The following RNF130 variants were observed in gnomAD, a reference collection of about 807,000 sequenced individuals.
RNF130 encodes the protein ring finger protein 130.
A neutral mutation model predicts 44.6 loss-of-function variants in RNF130; 21 were observed. That is an observed-to-expected ratio of 0.47 (90% CI 0.33 to 0.68). RNF130 has a LOEUF of 0.68. RNF130 is among the 30% of genes least tolerant of loss of function. The probability of loss-of-function intolerance (pLI) is 0.02; values close to 1 mark genes in which losing one functional copy is unlikely to be tolerated. For missense variants in RNF130, 479 were observed against 560.6 expected, an observed-to-expected ratio of 0.85 and a Z score of 1.47; for synonymous variants, 214 against 210.4, an observed-to-expected ratio of 1.02 and a Z score of -0.15.
chr5:179,925,493 T>G (rs1582122847), intron 7 of RNF130, among the ~76,000 whole-genome samples: 1 of 151,768 alleles, frequency 6.6e-6, no homozygotes, highest in African/African-American at 2.4e-5. Context: ...CATGGCTGGG[T>G]TTCTTCTGTT....
intron 1 of RNF130, among the ~76,000 whole-genome samples, chr5:180,070,512 T>G (rs775221725): frequency 2.6e-5 from 4 of 152,224 alleles, no homozygotes; most frequent in Non-Finnish European, 5.9e-5. Context: ...ATGACTTTAT[T>G]TAGGTTGCCT....
chr5:180,049,213 C>A (rs1474356938), intron 1 of RNF130, among the ~76,000 whole-genome samples: 1 of 152,162 alleles, frequency 6.6e-6, no homozygotes, highest in Non-Finnish European at 1.5e-5. Context: ...CACAGGGAGA[C>A]AGCTAAGGTA....
At chr5:179,996,646 A>C (rs1453301155) in intron 3 of RNF130, among the ~76,000 whole-genome samples, 1 of 152,230 alleles carries the variant, frequency 6.6e-6, no homozygotes, top group East Asian at 1.9e-4. Context: ...CCATTCTTGC[A>C]TCCCTGGGAT....
chr5:179,959,471 C>CA (rs1025374228), intron 8 of RNF130, among the ~76,000 whole-genome samples: 2 of 151,762 alleles, frequency 1.3e-5, no homozygotes, highest in Admixed American at 6.6e-5. Context: ...ACTAAAAATA[C>CA]AAAAAAATTA....
intron 3 of RNF130, among the ~76,000 whole-genome samples, chr5:179,997,402 C>T (rs1000268931): frequency 6.6e-6 from 1 of 152,240 alleles, no homozygotes; most frequent in Non-Finnish European, 1.5e-5. Flanking sequence ...CGGCTCACTG[C>T]AACCTCCGCC....
intron 3 of RNF130, among the ~76,000 whole-genome samples, chr5:179,996,760 T>C (rs987547301): frequency 1.3e-5 from 2 of 152,360 alleles, no homozygotes; most frequent in Admixed American, 1.3e-4. Flanking sequence ...CAAGGATACT[T>C]GTCTATATTT....
intron 3 of RNF130, among the ~76,000 whole-genome samples, chr5:180,000,246 T>A (rs78654932): frequency 0.099 from 15,031 of 152,246 alleles, 1,548 homozygotes; most frequent in African/African-American, 0.27. Flanking sequence ...TCTCCTAGGC[T>A]GTAAGATTTC....
At chr5:180,071,341 C>G (rs890972822) in intron 1 of RNF130, 115 bp downstream of exon 1, 1 of 1,040,886 alleles carries the variant, frequency 9.6e-7, no homozygotes, top group African/African-American at 1.6e-5. Context: ...CTGGCTGGGG[C>G]TGTCGGCCGG....
intron 1 of RNF130, among the ~76,000 whole-genome samples, chr5:180,064,628 T>C (rs1410288498): frequency 6.6e-6 from 1 of 152,226 alleles, no homozygotes; most frequent in African/African-American, 2.4e-5. Flanking sequence ...TTCATTTTCC[T>C]CTGTTTTTAA....
intron 7 of RNF130, among the ~76,000 whole-genome samples, chr5:179,927,627 C>T (rs574620664): frequency 2.1e-5 from 3 of 141,228 alleles, no homozygotes; most frequent in South Asian, 2.2e-4. Flanking sequence ...CTCACTCTGT[C>T]GCCCAGGCTG....
chr5:179,986,935 T>C (rs1463853247), intron 3 of RNF130, among the ~76,000 whole-genome samples: 1 of 152,236 alleles, frequency 6.6e-6, no homozygotes, highest in Non-Finnish European at 1.5e-5. Flanking sequence ...GACTGCTTTC[T>C]TGATTTCCTT....
chr5:179,991,928 T>C (rs1214206434), intron 3 of RNF130, among the ~76,000 whole-genome samples: 2 of 152,076 alleles, frequency 1.3e-5, no homozygotes, highest in East Asian at 3.9e-4. Context: ...CTAGATGCTT[T>C]GCATGTACAG....
intron 3 of RNF130, among the ~76,000 whole-genome samples, chr5:180,010,613 G>A (rs1034994774): frequency 1.3e-5 from 2 of 152,158 alleles, no homozygotes; most frequent in Admixed American, 1.3e-4. Flanking sequence ...ACCTGCCTTG[G>A]CTTCCCAAAG....
rs541986787 is a variant in RNF130 at position 179,934,689 on chromosome 5, T to C, written c.1151-14263A>G. ...CTCCCAAGTAGCCAGACCACAGGTG[T>C]GCGCCACCACATCCGGCTACTTTAT... is the stretch of plus-strand genomic sequence containing the variant. On this transcript the variant is annotated intron_variant, in intron 7 of 7. Coordinates refer to the RNF130 transcript ENST00000522208. 1.3e-4 allele frequency among the ~76,000 whole-genome samples: 20 copies of C among 151,918 alleles called. No individual in the cohort carries two copies. The East Asian group carries it at 3.3e-3, about 25-fold the overall frequency.
intron 2 of RNF130, among the ~76,000 whole-genome samples, chr5:180,034,660 G>A (rs998213766): frequency 6.6e-6 from 1 of 152,092 alleles, no homozygotes; most frequent in Non-Finnish European, 1.5e-5. Context: ...ACTACTATCC[G>A]TCGAAAGGCC....
rs561230462 is a variant in RNF130 at position 180,013,331 on chromosome 5, T to C, written c.443-20A>G. 3.2e-6 allele frequency: 5 copies of C among 1,580,390 alleles called. No individual in the cohort carries two copies. The highest frequency in any genetic ancestry group is 1.4e-5 in the African/African-American group (1 of 73,386). On this transcript the variant is annotated intron_variant, in intron 2 of 8. Coordinates refer to ENST00000521389, the MANE Select transcript of RNF130 (RefSeq NM_018434.6). ...CAGTGCCTGCAATATAAAATAAATA[T>C]ATAACTCAAGTGACATTTAAAACTT... is the stretch of plus-strand genomic sequence containing the variant.
chr5:179,922,369 A>G (rs1438876009), intron 7 of RNF130, among the ~76,000 whole-genome samples: 2 of 151,860 alleles, frequency 1.3e-5, no homozygotes, highest in African/African-American at 2.4e-5. Flanking sequence ...CTGGTGTGCA[A>G]TGGCGCCATC....
intron 2 of RNF130, among the ~76,000 whole-genome samples, chr5:180,035,283 C>T (rs1035323400): frequency 2.0e-5 from 3 of 152,066 alleles, no homozygotes; most frequent in Non-Finnish European, 4.4e-5. Context: ...TTTATTGGAC[C>T]CGTGTGTTAT....
chr5:180,023,666 T>C (rs1011257521), intron 2 of RNF130, among the ~76,000 whole-genome samples: 4 of 152,214 alleles, frequency 2.6e-5, no homozygotes, highest in Non-Finnish European at 2.9e-5. Flanking sequence ...TACTGTACTA[T>C]AATCCAGAGT....
Sources: gnomAD v4.1 joint callset for allele counts (sites outside exome capture counted in the v4.1 genomes callset) on GRCh38, gnomAD v4.1.1 for gene constraint, MANE v1.5 for transcripts, NCBI Gene and HGNC (gene_info 2026-07-23, HGNC 2026-07-21) for gene names.